The following APLF variants were observed in gnomAD, a reference collection of about 807,000 sequenced individuals.
APLF encodes the protein aprataxin and PNK-like factor.
APLF carries 61 observed loss-of-function variants against 55.6 expected under a neutral mutation model. The ratio of observed to expected loss-of-function variants is 1.10; its 90% CI spans 0.89 to 1.36. The LOEUF is 1.36. APLF is among the 40% of genes most tolerant of loss of function. The pLI, the probability that APLF is intolerant of heterozygous loss-of-function variation, is 0.00. For missense variants in APLF, 611 were observed against 602.5 expected, an observed-to-expected ratio of 1.01 and a Z score of -0.15; for synonymous variants, 207 against 214.8, an observed-to-expected ratio of 0.96 and a Z score of 0.32.
chr2:68,515,655 C>T (rs1669559695), intron 5 of APLF: 3 of 984,414 alleles, frequency 3.0e-6, no homozygotes, highest in Non-Finnish European at 2.4e-6. Flanking sequence ...AGTAATTTGA[C>T]ATTGGTCTGG....
chr2:68,570,634 T>A (rs1332925500), intron 9 of APLF, among the ~76,000 whole-genome samples: 5 of 152,198 alleles, frequency 3.3e-5, no homozygotes, highest in African/African-American at 7.2e-5. Flanking sequence ...CATCCTTTTT[T>A]ATGGCTGCAT....
chr2:68,571,689 A>G (rs569411908), intron 9 of APLF, among the ~76,000 whole-genome samples: 1 of 152,282 alleles, frequency 6.6e-6, no homozygotes, highest in Admixed American at 6.5e-5. Context: ...TGTTTAGGTT[A>G]CTGTAGCCTT....
intron 5 of APLF, among the ~76,000 whole-genome samples, chr2:68,518,461 TATAACA>T (rs1669733838): frequency 8.7e-6 from 1 of 114,808 alleles, no homozygotes. Context: ...TTATATATTA[TATAACA>T]TATTAATAAT....
intron 1 of APLF, among the ~76,000 whole-genome samples, chr2:68,472,226 A>G (rs1675638875): frequency 6.6e-6 from 1 of 152,036 alleles, no homozygotes; most frequent in African/African-American, 2.4e-5. Flanking sequence ...CCTGGCTCTT[A>G]ATTGATTATC....
chr2:68,541,047 T>G (rs1379966600), intron 7 of APLF, among the ~76,000 whole-genome samples: 1 of 152,198 alleles, frequency 6.6e-6, no homozygotes, highest in Admixed American at 6.5e-5. Context: ...TGAAGATCTG[T>G]GGGTTAAGCA....
chr2:68,469,693 T>G (rs545934913), intron 1 of APLF, among the ~76,000 whole-genome samples: 4 of 152,208 alleles, frequency 2.6e-5, no homozygotes, highest in Non-Finnish European at 5.9e-5. Flanking sequence ...CTGCACTGGT[T>G]AAAACACAAC....
chr2:68,477,336 A>C (rs1675811841), intron 1 of APLF, among the ~76,000 whole-genome samples: 1 of 152,144 alleles, frequency 6.6e-6, no homozygotes, highest in Non-Finnish European at 1.5e-5. Context: ...TGTATATCAT[A>C]ATAAAAACAG....
At chr2:68,494,114 G>GA (rs959243999) in intron 2 of APLF, among the ~76,000 whole-genome samples, 44 of 115,892 alleles carry the variant, frequency 3.8e-4, no homozygotes, top group East Asian at 5.0e-4. Flanking sequence ...TCCCAAAAGA[G>GA]AAAAAAAAAA....
intron 1 of APLF, among the ~76,000 whole-genome samples, chr2:68,482,054 A>G (rs1226824756): frequency 2.0e-5 from 3 of 151,368 alleles, no homozygotes; most frequent in Non-Finnish European, 4.4e-5. Context: ...TGACTTTCTT[A>G]AAGTTATTTT....
At chr2:68,477,763 C>T (rs947005930) in intron 1 of APLF, among the ~76,000 whole-genome samples, 3 of 152,170 alleles carry the variant, frequency 2.0e-5, no homozygotes, top group African/African-American at 7.2e-5. Flanking sequence ...TGGTGGAAGG[C>T]GAATGAGGCG....
intron 1 of APLF, among the ~76,000 whole-genome samples, chr2:68,487,287 T>A (rs1676214536): frequency 6.6e-6 from 1 of 152,126 alleles, no homozygotes; most frequent in Non-Finnish European, 1.5e-5. Context: ...TTAAACTGGG[T>A]AAATCATCTT....
rs375078784 is a variant in APLF, at chr2:68,577,989, G to T, written c.1503G>T (p.Leu501Phe). Residue 501 changes from leucine to phenylalanine, a missense_variant, in exon 10 of 10, where the codon TTG (leucine) becomes TTT (phenylalanine). Physicochemically the swap from Leu to Phe is conservative, Grantham distance 22. Transcript: ENST00000303795. ...AGAAGGAAGATGTGGAAGAGCTTTT[G>T]AAAGAAGCAAAAAGGTTTATGAAAA... ...DEEKEDVEEL[L>F]KEAKRFMKRK 7 of 1,612,994 alleles carry T rather than the reference G, an allele frequency of 4.3e-6. No homozygotes were observed. Among genetic ancestry groups the T allele is most frequent in the South Asian group, 2.2e-5 (2 of 91,024 alleles).
At chr2:68,480,180 G>GT (rs1342195686) in intron 1 of APLF, among the ~76,000 whole-genome samples, 2 of 151,760 alleles carry the variant, frequency 1.3e-5, no homozygotes, top group Non-Finnish European at 2.9e-5. Flanking sequence ...TATTGAATTT[G>GT]TTTATCAGTT....
rs1671722581 is a variant in APLF at position 68,579,767 on chromosome 2, T to C, written c.*1745T>C. The C allele has an allele frequency of 1.2e-5, 2 of 160,436 alleles. No individual in the cohort carries two copies. Among genetic ancestry groups the C allele is most frequent in the African/African-American group, 4.8e-5 (2 of 41,600 alleles). The allele number at this position is 160,436 out of a possible 1,614,324, so 9.9% of individuals were successfully genotyped here. The stretch of plus-strand genomic sequence containing the variant: ...TCCATAAAGACAGAAAGCAAATTTG[T>C]GGTTGCCAGGGACTTGGGGAGGAAG... On this transcript the variant is annotated 3_prime_UTR_variant, in exon 10 of 10. Transcript: ENST00000303795.
intron 9 of APLF, among the ~76,000 whole-genome samples, chr2:68,575,935 G>T (rs1406590906): frequency 6.6e-6 from 1 of 152,098 alleles, no homozygotes. Context: ...CATAAGACTG[G>T]ATGGAATCAT....
intron 9 of APLF, among the ~76,000 whole-genome samples, chr2:68,571,713 A>T (rs548345667): frequency 4.6e-5 from 7 of 152,166 alleles, no homozygotes; most frequent in Non-Finnish European, 1.0e-4. Context: ...GTATAGTTTG[A>T]AGTCAGGTAG....
intron 1 of APLF, 101 bp downstream of exon 1, chr2:68,467,928 G>T (rs1440759043): frequency 1.2e-6 from 1 of 867,488 alleles, no homozygotes; most frequent in Non-Finnish European, 1.5e-6. Context: ...CACCGCACTG[G>T]TCCGCCGGTC....
rs1395357287 is a variant in APLF, at chr2:68,545,202, T to G, written c.1176T>G (p.His392Gln). The G allele has an allele frequency of 6.2e-7, 1 of 1,613,582 alleles. No homozygotes were observed. The highest frequency in any genetic ancestry group is 1.3e-5 in the African/African-American group (1 of 74,912). The change falls in exon 8 of 10, where the codon CAT becomes CAG. Residue 392 changes from histidine (H) to glutamine (Q), a missense_variant. By Grantham distance (24) the His-to-Gln change is conservative. Transcript: ENST00000303795. ...GCCCTCCTAGGAAGAATCCTGTTCATTTTCAACATTTTAGCCATCCTGGTG... is the reference window on the plus strand; with the variant it reads ...GCCCTCCTAGGAAGAATCCTGTTCAGTTTCAACATTTTAGCCATCCTGGTG... ...GANCYRKNPV[H>Q]FQHFSHPGDS...
intron 1 of APLF, among the ~76,000 whole-genome samples, chr2:68,470,697 T>C (rs1675591187): frequency 6.6e-6 from 1 of 152,224 alleles, no homozygotes. Context: ...ACAGCAGGGA[T>C]TATATGACAC....
Sources: allele counts gnomAD v4.1 joint callset (sites outside exome capture counted in the v4.1 genomes callset), GRCh38; gene constraint gnomAD v4.1.1; transcripts MANE v1.5; gene names NCBI Gene and HGNC (gene_info 2026-07-23, HGNC 2026-07-21).